BCAR3: variants seen among roughly 807,000 people sequenced by gnomAD.
BCAR3 encodes BCAR3 adaptor protein, NSP family member, also known as breast cancer anti-estrogen resistance protein 3.
Under a neutral mutation model 80.1 loss-of-function variants are expected in BCAR3, and 37 were observed. The observed-to-expected ratio is 0.46, with a 90% CI of 0.36 to 0.61. The LOEUF (loss-of-function observed/expected upper bound fraction) is 0.61, where lower values mean the gene tolerates loss of function less well. Among genes scored for constraint, BCAR3 ranks in the 20% least tolerant of loss-of-function variants. BCAR3 has a pLI of 0.00. For synonymous variants in BCAR3, 389 were observed against 418.9 expected (o/e 0.93, Z 0.87); for missense variants, 978 against 1,068.2 (o/e 0.92, Z 1.18).
chr1:93,596,450 G>C (rs1674422650), intron 3 of BCAR3, among the ~76,000 whole-genome samples: 1 of 152,114 alleles, frequency 6.6e-6, no homozygotes, highest in African/African-American at 2.4e-5. Flanking sequence ...TTAAAGACAG[G>C]CTGGACTCAA....
chr1:93,590,738 G>C (rs1055433893), intron 4 of BCAR3, among the ~76,000 whole-genome samples: 6 of 152,148 alleles, frequency 3.9e-5, no homozygotes, highest in Admixed American at 3.3e-4. Flanking sequence ...TCTTAGAATT[G>C]AGCCTGTGAA....
intron 2 of BCAR3, among the ~76,000 whole-genome samples, chr1:93,718,367 T>C (rs572782861): frequency 2.0e-5 from 3 of 152,178 alleles, no homozygotes; most frequent in South Asian, 4.1e-4. Flanking sequence ...TGCAGCAGGG[T>C]GAGAAAGCGC....
chr1:93,571,166 T>G (rs1673195376), intron 9 of BCAR3, among the ~76,000 whole-genome samples: 1 of 150,714 alleles, frequency 6.6e-6, no homozygotes, highest in Non-Finnish European at 1.5e-5. Flanking sequence ...ATCACACCAT[T>G]GTACTGCAGC....
At chr1:93,629,346 C>T (rs1675538801) in intron 3 of BCAR3, among the ~76,000 whole-genome samples, 1 of 152,214 alleles carries the variant, frequency 6.6e-6, no homozygotes. Flanking sequence ...AATTCAAATA[C>T]AAGTTGTTCC....
chr1:93,598,132 C>G (rs1360763293), intron 3 of BCAR3, among the ~76,000 whole-genome samples: 1 of 152,146 alleles, frequency 6.6e-6, no homozygotes, highest in African/African-American at 2.4e-5. Context: ...GGAAGAAAAG[C>G]CATTCTGGCA....
rs367606943 is a variant in BCAR3 at position 93,718,894 on chromosome 1, G to T, written c.-62-12752C>A. ...TATTTTTTTTTTTTTTAGAGACAGG[G>T]TCTCCCTATGTTGCCCAAGCTGGTT... On this transcript the variant is annotated intron_variant, in intron 2 of 13. Coordinates refer to the BCAR3 transcript ENST00000370244. Among the ~76,000 whole-genome samples the T allele has an allele frequency of 2.3e-4, 35 of 150,568 alleles. 3 individuals are homozygous for T. The highest frequency in any genetic ancestry group is 9.7e-4 in the East Asian group (5 of 5,138).
chr1:93,740,035 CAA>C (rs550746243), intron 2 of BCAR3, among the ~76,000 whole-genome samples: 9 of 94,096 alleles, frequency 9.6e-5, no homozygotes, highest in Admixed American at 1.1e-4. Flanking sequence ...AACTCCGTCT[CAA>C]AAAAAAAAAA....
chr1:93,781,785 A>G (rs1652770369), intron 2 of BCAR3, among the ~76,000 whole-genome samples: 1 of 152,158 alleles, frequency 6.6e-6, no homozygotes, highest in African/African-American at 2.4e-5. Context: ...TTGGGTTTTT[A>G]GATTCTTACT....
intron 6 of BCAR3, among the ~76,000 whole-genome samples, chr1:93,583,559 T>C (rs1452776916): frequency 2.0e-5 from 3 of 152,170 alleles, no homozygotes; most frequent in Admixed American, 2.0e-4. Flanking sequence ...CTTATCACTC[T>C]TCCAGCCTTG....
intron 3 of BCAR3, among the ~76,000 whole-genome samples, chr1:93,703,918 T>C (rs1649738127): frequency 6.6e-6 from 1 of 152,216 alleles, no homozygotes; most frequent in Non-Finnish European, 1.5e-5. Context: ...CCAGACTATC[T>C]AATACAGGAG....
At chr1:93,844,982 T>A (rs771868511) in intron 2 of BCAR3, among the ~76,000 whole-genome samples, 1 of 152,164 alleles carries the variant, frequency 6.6e-6, no homozygotes, top group Non-Finnish European at 1.5e-5. Flanking sequence ...GTATCTCTAA[T>A]ATTTTCCATG....
intron 2 of BCAR3, among the ~76,000 whole-genome samples, chr1:93,830,354 C>A (rs907687129): frequency 1.3e-5 from 2 of 152,102 alleles, no homozygotes; most frequent in African/African-American, 4.8e-5. Context: ...ACTCTGAGCC[C>A]AAGCCTGCAT....
chr1:93,702,284 C>T (rs549806006), intron 3 of BCAR3, among the ~76,000 whole-genome samples: 43 of 152,194 alleles, frequency 2.8e-4, no homozygotes, highest in Admixed American at 5.9e-4. Context: ...CTAGGCATGG[C>T]GGGGAGGGGC....
In BCAR3 at chr1:93,719,069, C is replaced by T. The variant is rs372752745; in HGVS notation, c.-62-12927G>A. Reference sequence around the variant, plus strand: ...TGCCTCACATGGCCACTTGCCTCCCCAGACCACCAATAGAGTTGCAGGTTT... The same window carrying T: ...TGCCTCACATGGCCACTTGCCTCCCTAGACCACCAATAGAGTTGCAGGTTT... On this transcript the variant is annotated intron_variant, in intron 2 of 13. Coordinates refer to the BCAR3 transcript ENST00000370244. 2.4e-4 allele frequency among the ~76,000 whole-genome samples: 36 copies of T among 152,214 alleles called. No individual in the cohort carries two copies. In the East Asian group the frequency reaches 5.0e-3, roughly 21 times the overall value.
intron 2 of BCAR3, among the ~76,000 whole-genome samples, chr1:93,729,696 A>AGG (rs1190234501): frequency 6.6e-6 from 1 of 152,144 alleles, no homozygotes; most frequent in Non-Finnish European, 1.5e-5. Flanking sequence ...AGTCATCAGG[A>AGG]GGGGTATACT....
chr1:93,593,306 C>A (rs974562583), intron 3 of BCAR3, among the ~76,000 whole-genome samples: 3 of 152,196 alleles, frequency 2.0e-5, no homozygotes, highest in African/African-American at 4.8e-5. Context: ...GTCCTTCAAA[C>A]CCCCATGGGA....
At chr1:93,814,712 ACAG>A (rs2100809402) in intron 2 of BCAR3, among the ~76,000 whole-genome samples, 1 of 152,340 alleles carries the variant, frequency 6.6e-6, no homozygotes, top group East Asian at 1.9e-4. Context: ...TTACAGCCAC[ACAG>A]CTGCTCCCAG....
chr1:93,705,334 G>A (rs923556239), intron 3 of BCAR3, among the ~76,000 whole-genome samples: 1 of 152,146 alleles, frequency 6.6e-6, no homozygotes, highest in Non-Finnish European at 1.5e-5. Flanking sequence ...TGTGTTCCGG[G>A]CTCCCTTGTA....
chr1:93,707,739 C>T (rs1468182292), intron 2 of BCAR3, among the ~76,000 whole-genome samples: 5 of 152,048 alleles, frequency 3.3e-5, no homozygotes, highest in Non-Finnish European at 5.9e-5. Flanking sequence ...ATAGCTCTGA[C>T]GGTCCCCAAG....
Sources: gnomAD v4.1 joint callset for allele counts (sites outside exome capture counted in the v4.1 genomes callset) on GRCh38, gnomAD v4.1.1 for gene constraint, MANE v1.5 for transcripts, NCBI Gene and HGNC (gene_info 2026-07-23, HGNC 2026-07-21) for gene names.